The following MALRD1 variants were observed in gnomAD, a reference collection of about 807,000 sequenced individuals.
MALRD1 encodes MAM and LDL receptor class A domain containing 1, also known as MAM and LDL-receptor class A domain-containing protein 1.
In MALRD1, 247 loss-of-function variants were observed where a neutral mutation model predicts 242.1. The observed-to-expected ratio is 1.02, with a 90% CI of 0.92 to 1.13. MALRD1 has a LOEUF of 1.13. Among genes scored for constraint, MALRD1 ranks in the 50% most tolerant of loss-of-function variants. The pLI is 0.00. For missense variants in MALRD1, 2,989 were observed against 2,533.1 expected, an observed-to-expected ratio of 1.18 and a Z score of -3.86; for synonymous variants, 995 against 866.6, an observed-to-expected ratio of 1.15 and a Z score of -2.60.
At chr10:19,530,430 A>AAATT (rs1564417507) in intron 31 of MALRD1, among the ~76,000 whole-genome samples, 1 of 20,534 alleles carries the variant, frequency 4.9e-5, no homozygotes, top group Non-Finnish European at 2.7e-4. Context: ...TAAATATATA[A>AAATT]TATATATAAT....
At chr10:19,161,549 G>GAAAAAAAAAA (rs1491548638) in intron 12 of MALRD1, among the ~76,000 whole-genome samples, 1 of 11,496 alleles carries the variant, frequency 8.7e-5, no homozygotes, top group Non-Finnish European at 1.6e-4. Context: ...GAAAAAAAAA[G>GAAAAAAAAAA]CAAAAAAAAA....
At chr10:19,642,682 C>A (rs923758302) in intron 36 of MALRD1, among the ~76,000 whole-genome samples, 2 of 152,146 alleles carry the variant, frequency 1.3e-5, no homozygotes, top group Non-Finnish European at 2.9e-5. Flanking sequence ...TAGAAATCCT[C>A]AAGTTCAGTG....
At chr10:19,309,476 G>A (rs1303308911) in intron 21 of MALRD1, among the ~76,000 whole-genome samples, 1 of 151,378 alleles carries the variant, frequency 6.6e-6, no homozygotes, top group South Asian at 2.1e-4. Context: ...AGTGTTATGG[G>A]CCACTATTGT....
chr10:19,200,544 C>T (rs1376472895), intron 14 of MALRD1, among the ~76,000 whole-genome samples: 2 of 150,714 alleles, frequency 1.3e-5, no homozygotes, highest in East Asian at 2.0e-4. Flanking sequence ...CAACAAACCT[C>T]GGTAGAATCA....
At chr10:19,132,199 A>G (rs1298470582) in intron 8 of MALRD1, among the ~76,000 whole-genome samples, 1 of 152,196 alleles carries the variant, frequency 6.6e-6, no homozygotes, top group Non-Finnish European at 1.5e-5. Context: ...TAAAATGAAA[A>G]CGGGGAAAGT....
chr10:19,643,229 C>T (rs1052974054), intron 36 of MALRD1, among the ~76,000 whole-genome samples: 2 of 151,734 alleles, frequency 1.3e-5, no homozygotes, highest in African/African-American at 4.8e-5. Context: ...GTCGGGAGTT[C>T]GTGACCAGCC....
chr10:19,614,100 A>G (rs16919170), intron 35 of MALRD1, among the ~76,000 whole-genome samples: 6,530 of 152,056 alleles, frequency 0.043, 416 homozygotes, highest in African/African-American at 0.14. Context: ...TAAAGTCAAC[A>G]TTTATTAAAC....
intron 29 of MALRD1, among the ~76,000 whole-genome samples, chr10:19,467,279 C>T (rs901762919): frequency 7.3e-5 from 11 of 149,660 alleles, no homozygotes; most frequent in African/African-American, 2.2e-4. Context: ...GGCGTGAACC[C>T]GGGAGGCGGA....
At chr10:19,482,891 G>A (rs777469305) in intron 29 of MALRD1, among the ~76,000 whole-genome samples, 2 of 152,004 alleles carry the variant, frequency 1.3e-5, no homozygotes, top group Non-Finnish European at 2.9e-5. Flanking sequence ...CAGATTCAAT[G>A]CTATTCCTAT....
At chr10:19,245,853 A>G (rs560394182) in intron 18 of MALRD1, among the ~76,000 whole-genome samples, 1 of 152,312 alleles carries the variant, frequency 6.6e-6, no homozygotes, top group South Asian at 2.1e-4. Flanking sequence ...TGAATGTCAC[A>G]ATATATTTTA....
intron 18 of MALRD1, among the ~76,000 whole-genome samples, chr10:19,240,510 A>G (rs1304337240): frequency 2.0e-5 from 3 of 152,162 alleles, no homozygotes; most frequent in South Asian, 4.2e-4. Context: ...CATTTTCTAC[A>G]AACAGAAACA....
chr10:19,371,963 G>A (rs1197095992), intron 26 of MALRD1, among the ~76,000 whole-genome samples: 2 of 152,088 alleles, frequency 1.3e-5, no homozygotes, highest in Non-Finnish European at 2.9e-5. Context: ...GGTCTAAAGG[G>A]TAGCTCATCC....
intron 38 of MALRD1, among the ~76,000 whole-genome samples, chr10:19,695,524 T>C (rs930753214): frequency 2.7e-5 from 4 of 147,516 alleles, no homozygotes; most frequent in African/African-American, 4.9e-5. Context: ...TCTTTCTTTT[T>C]TTTTTTTTTT....
In MALRD1 at chr10:19,209,491, T is replaced by A. The variant is rs1456188864; in HGVS notation, c.2802T>A (p.Asn934Lys). 1.9e-6 allele frequency: 3 copies of A among 1,550,788 alleles called. No individual in the cohort carries two copies. Among genetic ancestry groups the A allele is most frequent in the Non-Finnish European group, 2.6e-6 (3 of 1,147,026 alleles). ...CTGCCTTACTCAGCCCAATCCTTAATGCCACTGATACAAAAGGCTGCACCT... is the reference window on the plus strand; with the variant it reads ...CTGCCTTACTCAGCCCAATCCTTAAAGCCACTGATACAAAAGGCTGCACCT... ...DSAALLSPIL[N>K]ATDTKGCTFR... The change falls in exon 18 of 40, where the codon AAT becomes AAA. Residue 934 changes from asparagine (N) to lysine (K), a missense_variant. Transcript: ENST00000454679.
At chr10:19,082,175 TA>T (rs1185433260) in intron 2 of MALRD1, among the ~76,000 whole-genome samples, 2 of 151,730 alleles carry the variant, frequency 1.3e-5, no homozygotes, top group African/African-American at 2.4e-5. Context: ...TTTTACTATA[TA>T]TTTTTGAATT....
intron 29 of MALRD1, among the ~76,000 whole-genome samples, chr10:19,462,398 T>C (rs2131100573): frequency 6.6e-6 from 1 of 152,360 alleles, no homozygotes; most frequent in South Asian, 2.1e-4. Flanking sequence ...TCATAGAAAC[T>C]GCAATAAAGG....
At chr10:19,184,309 G>C (rs1371608863) in intron 14 of MALRD1, among the ~76,000 whole-genome samples, 1 of 152,170 alleles carries the variant, frequency 6.6e-6, no homozygotes, top group Non-Finnish European at 1.5e-5. Flanking sequence ...GGCAGATGAG[G>C]AGTGAGCTCC....
At chr10:19,322,163 T>TACATATGC (rs1842935901) in intron 21 of MALRD1, among the ~76,000 whole-genome samples, 1 of 152,140 alleles carries the variant, frequency 6.6e-6, no homozygotes, top group African/African-American at 2.4e-5. Flanking sequence ...ATAAATCATA[T>TACATATGC]ACATATAGAT....
intron 32 of MALRD1, among the ~76,000 whole-genome samples, chr10:19,559,123 C>CAGTG (rs1404801104): frequency 6.6e-6 from 1 of 151,906 alleles, no homozygotes; most frequent in Non-Finnish European, 1.5e-5. Flanking sequence ...GCAAAAGTTG[C>CAGTG]AGTGAGCCGA....
Sources: gnomAD v4.1 joint callset for allele counts (sites outside exome capture counted in the v4.1 genomes callset) on GRCh38, gnomAD v4.1.1 for gene constraint, MANE v1.5 for transcripts, NCBI Gene and HGNC (gene_info 2026-07-23, HGNC 2026-07-21) for gene names.